Variants in SGCD observed in about 807,000 individuals in gnomAD.
SGCD encodes the protein delta-sarcoglycan.
SGCD carries 18 observed loss-of-function variants against 36.6 expected under a neutral mutation model. That is an observed-to-expected ratio of 0.49 (90% CI 0.34 to 0.73). The LOEUF is 0.73. SGCD is among the 30% of genes least tolerant of loss of function. The pLI is 0.01. For missense variants in SGCD, 387 were observed against 346.7 expected, an observed-to-expected ratio of 1.12 and a Z score of -0.92; for synonymous variants, 133 against 130.6, an observed-to-expected ratio of 1.02 and a Z score of -0.12.
intron 1 of SGCD, among the ~76,000 whole-genome samples, chr5:156,030,430 T>C (rs1213198615): frequency 6.6e-6 from 1 of 152,118 alleles, no homozygotes; most frequent in Non-Finnish European, 1.5e-5. Context: ...GAGTGGCATG[T>C]CTACAAGCCA....
At chr5:155,841,063 A>G in the SGCD span, among the ~76,000 whole-genome samples, 296 of 140,046 alleles carry the variant, frequency 2.1e-3, 1 homozygote, top group African/African-American at 7.5e-3. Flanking sequence ...GGGTGTGCTT[A>G]TTGCTACTTG....
intron 3 of SGCD, among the ~76,000 whole-genome samples, chr5:156,225,414 T>A (rs1456500158): frequency 6.6e-6 from 1 of 152,146 alleles, no homozygotes; most frequent in Non-Finnish European, 1.5e-5. Flanking sequence ...AAAAAGTGAT[T>A]ATTGTTTTTA....
At chr5:156,018,089 G>A (rs1759023402) in intron 1 of SGCD, among the ~76,000 whole-genome samples, 1 of 152,122 alleles carries the variant, frequency 6.6e-6, no homozygotes, top group African/African-American at 2.4e-5. Context: ...GAGCCTAGGA[G>A]GTCAAGGCTG....
chr5:155,868,100 G>A (rs1482760076), upstream of SGCD, among the ~76,000 whole-genome samples: 1 of 151,796 alleles, frequency 6.6e-6, no homozygotes, highest in Non-Finnish European at 1.5e-5. Flanking sequence ...CGCCCAGGCT[G>A]TAGTGCAGTG....
At chr5:156,233,155 A>G (rs577939801) in intron 3 of SGCD, among the ~76,000 whole-genome samples, 13 of 152,222 alleles carry the variant, frequency 8.5e-5, no homozygotes, top group Non-Finnish European at 1.6e-4. Context: ...ATTTGTAGCT[A>G]TGTAGAAAAA....
intron 1 of SGCD, among the ~76,000 whole-genome samples, chr5:155,906,900 A>G (rs1240416664): frequency 1.6e-5 from 2 of 123,864 alleles, no homozygotes; most frequent in Non-Finnish European, 3.5e-5. Context: ...CAGATTTTCA[A>G]TGCATATGAA....
At chr5:156,173,208 A>G (rs1763383227) in intron 3 of SGCD, among the ~76,000 whole-genome samples, 1 of 152,188 alleles carries the variant, frequency 6.6e-6, no homozygotes, top group Admixed American at 6.5e-5. Flanking sequence ...AAATGTAAAT[A>G]TTGCTTGATT....
Position 156,441,576 on chromosome 5 carries a change from C to A in SGCD, c.193-67025C>A, listed in dbSNP as rs568123140. ...GTTCTGCATTGTCTATGCAACATTT[C>A]TTCTCTATTAGTGTGACTAATTGAA... On this transcript the variant is annotated intron_variant, in intron 3 of 8. Coordinates refer to ENST00000337851, the MANE Select transcript of SGCD (RefSeq NM_000337.6). 1.3e-3 allele frequency among the ~76,000 whole-genome samples: 201 copies of A among 152,144 alleles called. 4 individuals are homozygous for A. The highest frequency in any genetic ancestry group is 4.3e-4 in the Non-Finnish European group (29 of 68,010).
chr5:155,922,346 G>A (rs1756895466), intron 1 of SGCD, among the ~76,000 whole-genome samples: 1 of 152,072 alleles, frequency 6.6e-6, no homozygotes, highest in African/African-American at 2.4e-5. Flanking sequence ...AGTGAACAAC[G>A]TGGCAGGGAT....
intron 3 of SGCD, among the ~76,000 whole-genome samples, chr5:156,440,413 T>C (rs1240501665): frequency 2.0e-5 from 3 of 152,200 alleles, no homozygotes; most frequent in Non-Finnish European, 4.4e-5. Flanking sequence ...TTATAAATAA[T>C]GCTGCGATGA....
chr5:156,341,162 G>A (rs1017891834), intron 2 of SGCD, among the ~76,000 whole-genome samples: 8 of 152,138 alleles, frequency 5.3e-5, no homozygotes, highest in Non-Finnish European at 8.8e-5. Context: ...TTTGCTGTGT[G>A]ACTTGAAAAG....
chr5:156,316,132 A>G (rs969318787), intron 3 of SGCD, among the ~76,000 whole-genome samples: 1 of 151,994 alleles, frequency 6.6e-6, no homozygotes, highest in Non-Finnish European at 1.5e-5. Flanking sequence ...AAGTTATAGG[A>G]TGCAAAGTCA....
At chr5:155,731,436 G>A in the SGCD span, among the ~76,000 whole-genome samples, 2 of 152,136 alleles carry the variant, frequency 1.3e-5, no homozygotes, top group African/African-American at 2.4e-5. Flanking sequence ...CGTAAACCAT[G>A]CTGCCATTCT....
At chr5:156,226,124 A>G (rs1246803484) in intron 3 of SGCD, among the ~76,000 whole-genome samples, 2 of 152,052 alleles carry the variant, frequency 1.3e-5, no homozygotes, top group African/African-American at 4.8e-5. Context: ...TTACATGAGT[A>G]AGTTCTTTAG....
intron 6 of SGCD, among the ~76,000 whole-genome samples, chr5:156,605,319 C>T (rs1023172948): frequency 2.1e-4 from 32 of 152,144 alleles, no homozygotes; most frequent in African/African-American, 6.3e-4. Context: ...TTTGTCCTTG[C>T]AATAGTTTGC....
At chr5:156,440,299 T>C (rs571771959) in intron 3 of SGCD, among the ~76,000 whole-genome samples, 1 of 152,308 alleles carries the variant, frequency 6.6e-6, no homozygotes, top group African/African-American at 2.4e-5. Context: ...CAGTACTTTA[T>C]TCTTTTTTAT....
At chr5:156,282,560 G>GT (rs1766481552) in intron 3 of SGCD, among the ~76,000 whole-genome samples, 1 of 152,166 alleles carries the variant, frequency 6.6e-6, no homozygotes, top group Admixed American at 6.5e-5. Flanking sequence ...ATTTGTGTGT[G>GT]TTTCACTGCC....
chr5:156,184,365 C>A (rs1763681886), intron 3 of SGCD, among the ~76,000 whole-genome samples: 1 of 132,412 alleles, frequency 7.6e-6, no homozygotes, highest in Admixed American at 7.3e-5. Flanking sequence ...GGCTGACAAG[C>A]AGCCAGTTTT....
chr5:156,368,840 C>G (rs183717430), intron 3 of SGCD, among the ~76,000 whole-genome samples: 2 of 152,184 alleles, frequency 1.3e-5, no homozygotes, highest in African/African-American at 2.4e-5. Context: ...AAGCTCAGGG[C>G]TCCCACTGAT....
Sources: allele counts gnomAD v4.1 joint callset (sites outside exome capture counted in the v4.1 genomes callset), GRCh38; gene constraint gnomAD v4.1.1; transcripts MANE v1.5; gene names NCBI Gene and HGNC (gene_info 2026-07-23, HGNC 2026-07-21).